CPQ: variants seen among roughly 807,000 people sequenced by gnomAD.
CPQ encodes the protein Ser-Met dipeptidase.
A neutral mutation model predicts 45.7 loss-of-function variants in CPQ; 37 were observed. The ratio of observed to expected loss-of-function variants is 0.81; its 90% confidence interval spans 0.62 to 1.07. The LOEUF (loss-of-function observed/expected upper bound fraction) is 1.07, where lower values mean the gene tolerates loss of function less well. CPQ is among the 50% of genes least tolerant of loss of function. The pLI is 0.00. For missense variants in CPQ, 537 were observed against 572.9 expected (o/e 0.94, Z 0.64); for synonymous variants, 186 against 205.8 (o/e 0.90, Z 0.82).
chr8:96,949,226 T>C (rs1813228912), intron 4 of CPQ, among the ~76,000 whole-genome samples: 1 of 150,672 alleles, frequency 6.6e-6, no homozygotes, highest in Non-Finnish European at 1.5e-5. Flanking sequence ...AGTCTTTTCC[T>C]TTCTTACTGT....
intron 2 of CPQ, among the ~76,000 whole-genome samples, chr8:96,825,080 T>A (rs1354224820): frequency 1.3e-5 from 2 of 152,018 alleles, no homozygotes; most frequent in Non-Finnish European, 2.9e-5. Flanking sequence ...TGGGTAGGAT[T>A]GGCCCCTTAC....
intron 5 of CPQ, among the ~76,000 whole-genome samples, chr8:96,977,801 A>G (rs1335519134): frequency 1.3e-5 from 2 of 152,188 alleles, no homozygotes; most frequent in Non-Finnish European, 1.5e-5. Flanking sequence ...AGAATGATAC[A>G]TTGGACTTTG....
At chr8:96,935,221 A>T (rs770588115) in intron 4 of CPQ, among the ~76,000 whole-genome samples, 1 of 152,156 alleles carries the variant, frequency 6.6e-6, no homozygotes, top group Admixed American at 6.6e-5. Flanking sequence ...CAACAGGCTT[A>T]TATCCTACAA....
rs115098990 is a variant in CPQ, at chr8:96,940,419, A to G, written c.850-25516A>G. Among the ~76,000 whole-genome samples the G allele has an allele frequency of 3.0e-3, 464 of 152,318 alleles. 1 individual carries two copies. The highest frequency in any genetic ancestry group is 9.6e-3 in the African/African-American group (400 of 41,582). On this transcript the variant is annotated intron_variant, in intron 4 of 7. Coordinates refer to ENST00000220763, the MANE Select transcript of CPQ (RefSeq NM_016134.4). Reference sequence around the variant, plus strand: ...CAAACTGGATTGTGTGTACTCTTGAAAGGAATAGTGCTCCATCTTGCTCTC... The same window carrying G: ...CAAACTGGATTGTGTGTACTCTTGAGAGGAATAGTGCTCCATCTTGCTCTC...
At chr8:97,040,959 T>C (rs1403036715) in intron 6 of CPQ, among the ~76,000 whole-genome samples, 1 of 151,892 alleles carries the variant, frequency 6.6e-6, no homozygotes, top group Non-Finnish European at 1.5e-5. Context: ...ATTGACTTGG[T>C]GATGCGGGCT....
intron 4 of CPQ, among the ~76,000 whole-genome samples, chr8:96,923,410 G>A (rs1277172028): frequency 6.6e-6 from 1 of 152,122 alleles, no homozygotes. Context: ...CCAGATTCTA[G>A]AACCTGTCCA....
At chr8:97,106,718 TG>T (rs200042405) in intron 7 of CPQ, among the ~76,000 whole-genome samples, 2,105 of 152,192 alleles carry the variant, frequency 0.014, 23 homozygotes, top group South Asian at 0.051. Flanking sequence ...AGGAGAGCCT[TG>T]GGCCAGATGG....
intron 4 of CPQ, among the ~76,000 whole-genome samples, chr8:96,954,750 C>T (rs1351764901): frequency 6.6e-6 from 1 of 152,040 alleles, no homozygotes; most frequent in Non-Finnish European, 1.5e-5. Context: ...TCCCCACTCC[C>T]CCAACCCCAC....
At chr8:96,918,594 C>T (rs567274044) in intron 4 of CPQ, among the ~76,000 whole-genome samples, 1 of 152,058 alleles carries the variant, frequency 6.6e-6, no homozygotes, top group Admixed American at 6.6e-5. Context: ...TTATGCATAG[C>T]TAGGAATAGG....
In CPQ at chr8:96,788,980, T is replaced by A. The variant is rs192026355; in HGVS notation, c.433+3650T>A. Among the ~76,000 whole-genome samples the A allele has an allele frequency of 2.3e-3, 349 of 152,218 alleles. 4 individuals are homozygous for A. Among genetic ancestry groups the A allele is most frequent in the African/African-American group, 8.2e-3 (341 of 41,580 alleles). On this transcript the variant is annotated intron_variant, in intron 2 of 7. Transcript: ENST00000220763. ...TAAACTCCAGAACTTCTCTTTGGTCTTTTTAAAAAATAATTTCTGTGTCTT... is the reference window on the plus strand; with the variant it reads ...TAAACTCCAGAACTTCTCTTTGGTCATTTTAAAAAATAATTTCTGTGTCTT...
intron 1 of CPQ, among the ~76,000 whole-genome samples, chr8:96,690,449 T>A (rs1441990378): frequency 6.6e-6 from 1 of 152,202 alleles, no homozygotes; most frequent in Non-Finnish European, 1.5e-5. Flanking sequence ...TCTGAAAATA[T>A]AGCTTATACA....
At chr8:96,659,536 C>G (rs113110368) in intron 1 of CPQ, among the ~76,000 whole-genome samples, 97 of 152,328 alleles carry the variant, frequency 6.4e-4, no homozygotes, top group Admixed American at 1.9e-3. Context: ...TGCTCTTTAC[C>G]CTACGGCTTT....
chr8:97,041,420 T>C (rs1810123184), intron 6 of CPQ, among the ~76,000 whole-genome samples: 5 of 152,210 alleles, frequency 3.3e-5, no homozygotes, highest in Admixed American at 3.3e-4. Flanking sequence ...TACAATCATA[T>C]CACCTGCAAA....
intron 7 of CPQ, among the ~76,000 whole-genome samples, chr8:97,081,209 T>C (rs765878340): frequency 2.0e-5 from 3 of 152,152 alleles, no homozygotes; most frequent in Admixed American, 6.6e-5. Flanking sequence ...TTTAGCACTA[T>C]ACTGCGAAGT....
At chr8:96,911,655 CT>C (rs1445147146) in intron 4 of CPQ, among the ~76,000 whole-genome samples, 1 of 152,194 alleles carries the variant, frequency 6.6e-6, no homozygotes, top group Non-Finnish European at 1.5e-5. Flanking sequence ...ATAAAGCTTC[CT>C]GAAAATCAGG....
chr8:96,793,632 T>C (rs1810882406), intron 2 of CPQ, among the ~76,000 whole-genome samples: 1 of 152,190 alleles, frequency 6.6e-6, no homozygotes, highest in African/African-American at 2.4e-5. Flanking sequence ...TTCCCAACAG[T>C]TTGCCAAAAT....
intron 1 of CPQ, among the ~76,000 whole-genome samples, chr8:96,711,932 A>C (rs886529033): frequency 2.0e-5 from 3 of 152,208 alleles, no homozygotes; most frequent in African/African-American, 7.2e-5. Context: ...TGACAAGGCA[A>C]GTCCCTTCTG....
intron 7 of CPQ, among the ~76,000 whole-genome samples, chr8:97,137,802 G>A (rs918217447): frequency 6.6e-6 from 1 of 151,990 alleles, no homozygotes; most frequent in South Asian, 2.1e-4. Context: ...GGTGGCAGGC[G>A]CCTGTAGTCC....
At chr8:96,918,199 A>G (rs908906049) in intron 4 of CPQ, among the ~76,000 whole-genome samples, 4 of 151,944 alleles carry the variant, frequency 2.6e-5, no homozygotes, top group South Asian at 2.1e-4. Context: ...AACACTTTCA[A>G]CTCTTTTAGC....
Sources: allele counts gnomAD v4.1 joint callset (sites outside exome capture counted in the v4.1 genomes callset), GRCh38; gene constraint gnomAD v4.1.1; transcripts MANE v1.5; gene names NCBI Gene and HGNC (gene_info 2026-07-23, HGNC 2026-07-21).